The following KAZN variants were observed in gnomAD, a reference collection of about 807,000 sequenced individuals.
The protein encoded by KAZN is kazrin, periplakin interacting protein.
Under a neutral mutation model 87.4 loss-of-function variants are expected in KAZN, and 40 were observed. That is an observed-to-expected ratio of 0.46 (90% confidence interval 0.36 to 0.60). The LOEUF is 0.60. Among genes scored for constraint, KAZN ranks in the 20% least tolerant of loss-of-function variants. The pLI, the probability that KAZN is intolerant of heterozygous loss-of-function variation, is 0.00. For missense variants in KAZN, 898 were observed against 1,073.9 expected (o/e 0.84, Z 2.29); for synonymous variants, 466 against 458.3 (o/e 1.02, Z -0.22).
chr1:14,890,536 T>A (rs1415120558), intron 1 of KAZN, among the ~76,000 whole-genome samples: 1 of 152,244 alleles, frequency 6.6e-6, no homozygotes, highest in Non-Finnish European at 1.5e-5. Flanking sequence ...TGCCCGCCTT[T>A]TAAAAAGATA....
intron 1 of KAZN, among the ~76,000 whole-genome samples, chr1:14,706,588 T>G (rs1223694471): frequency 1.3e-5 from 2 of 152,200 alleles, no homozygotes; most frequent in African/African-American, 4.8e-5. Context: ...ATGTACCCCT[T>G]AAATATGCAC....
At chr1:14,808,642 T>C (rs935362920) in intron 1 of KAZN, among the ~76,000 whole-genome samples, 1 of 152,152 alleles carries the variant, frequency 6.6e-6, no homozygotes, top group Non-Finnish European at 1.5e-5. Flanking sequence ...AGAGATGACA[T>C]GTCTCAAAGT....
At chr1:14,317,637 T>G (rs910502914) in intron 2 of KAZN, among the ~76,000 whole-genome samples, 2 of 151,972 alleles carry the variant, frequency 1.3e-5, no homozygotes, top group Non-Finnish European at 2.9e-5. Context: ...ATTTGAGTAT[T>G]TCTGAGGGTT....
intron 2 of KAZN, among the ~76,000 whole-genome samples, chr1:14,219,309 T>C (rs1172700838): frequency 1.3e-5 from 2 of 152,044 alleles, no homozygotes; most frequent in Non-Finnish European, 2.9e-5. Context: ...AATGATTGTA[T>C]AGAGGGTTTA....
intron 3 of KAZN, among the ~76,000 whole-genome samples, chr1:15,043,363 T>A (rs1054740883): frequency 6.6e-6 from 1 of 152,226 alleles, no homozygotes; most frequent in Admixed American, 6.5e-5. Context: ...AGTCATTCAA[T>A]CTTTAGAATT....
chr1:13,912,695 C>T (rs893812213), intron 1 of KAZN, among the ~76,000 whole-genome samples: 1 of 152,118 alleles, frequency 6.6e-6, no homozygotes. Flanking sequence ...CCTCTGCCTC[C>T]CAGGTTCAAG....
chr1:13,973,453 C>T (rs983674708), intron 1 of KAZN, among the ~76,000 whole-genome samples: 8 of 152,180 alleles, frequency 5.3e-5, no homozygotes, highest in Non-Finnish European at 1.2e-4. Flanking sequence ...GGTCAGAACA[C>T]GTATTTACCT....
At chr1:14,234,730 G>T (rs1013616577) in intron 2 of KAZN, among the ~76,000 whole-genome samples, 3 of 152,188 alleles carry the variant, frequency 2.0e-5, no homozygotes, top group Non-Finnish European at 2.9e-5. Context: ...GACTAAATTT[G>T]TGCCAAATCT....
At chr1:14,894,590 C>A (rs574715887) in intron 1 of KAZN, among the ~76,000 whole-genome samples, 11 of 152,352 alleles carry the variant, frequency 7.2e-5, no homozygotes, top group African/African-American at 2.6e-4. Flanking sequence ...CCTCCTGGAG[C>A]CTTCCCGGCC....
chr1:14,519,489 C>A (rs1393989528), intron 2 of KAZN, among the ~76,000 whole-genome samples: 1 of 152,158 alleles, frequency 6.6e-6, no homozygotes, highest in African/African-American at 2.4e-5. Context: ...GGGTATCCTC[C>A]CTCAGTTGAG....
At chr1:14,318,108 G>A (rs1655786339) in intron 2 of KAZN, among the ~76,000 whole-genome samples, 1 of 151,734 alleles carries the variant, frequency 6.6e-6, no homozygotes, top group Admixed American at 6.6e-5. Context: ...TTTTAAACAG[G>A]TATTTATCTT....
chr1:14,754,693 T>C (rs1644508439), intron 1 of KAZN, among the ~76,000 whole-genome samples: 1 of 152,114 alleles, frequency 6.6e-6, no homozygotes, highest in African/African-American at 2.4e-5. Context: ...TGTTGGATGA[T>C]GTTTGTGGCT....
chr1:14,698,220 T>C (rs1031039040), intron 1 of KAZN, among the ~76,000 whole-genome samples: 1 of 152,214 alleles, frequency 6.6e-6, no homozygotes, highest in African/African-American at 2.4e-5. Context: ...CAGCTTTGAT[T>C]TCAGCTTCAG....
chr1:14,343,107 T>C (rs1261227653), intron 2 of KAZN, among the ~76,000 whole-genome samples: 4 of 152,128 alleles, frequency 2.6e-5, no homozygotes, highest in African/African-American at 4.8e-5. Context: ...GATTGCGCCA[T>C]TGCACTCCAG....
intron 2 of KAZN, among the ~76,000 whole-genome samples, chr1:14,453,350 A>T (rs538502487): frequency 6.6e-5 from 10 of 152,302 alleles, no homozygotes; most frequent in East Asian, 3.9e-4. Flanking sequence ...AGATTTTTTT[A>T]AAAGTGTTCC....
chr1:14,764,383 C>CG (rs1557465589), intron 1 of KAZN, among the ~76,000 whole-genome samples: 1 of 129,478 alleles, frequency 7.7e-6, no homozygotes, highest in Non-Finnish European at 1.7e-5. Flanking sequence ...CCCCCTCCCC[C>CG]ACACCCCCCC....
chr1:14,741,595 A>G (rs755420260), intron 1 of KAZN, among the ~76,000 whole-genome samples: 3 of 152,202 alleles, frequency 2.0e-5, no homozygotes, highest in East Asian at 1.9e-4. Flanking sequence ...TTGAACTAGT[A>G]TCTTTTTATT....
intron 2 of KAZN, among the ~76,000 whole-genome samples, chr1:14,382,131 G>T (rs546125263): frequency 6.6e-6 from 1 of 152,014 alleles, no homozygotes; most frequent in South Asian, 2.1e-4. Flanking sequence ...TCTCTACAAT[G>T]AAAACTATAA....
chr1:15,005,009 G>T (rs753980232), intron 2 of KAZN, among the ~76,000 whole-genome samples: 2 of 152,018 alleles, frequency 1.3e-5, no homozygotes, highest in African/African-American at 4.8e-5. Flanking sequence ...AGGTAAATAC[G>T]CCCAGGTTGC....
Sources: gnomAD v4.1 joint callset for allele counts (sites outside exome capture counted in the v4.1 genomes callset) on GRCh38, gnomAD v4.1.1 for gene constraint, MANE v1.5 for transcripts, NCBI Gene and HGNC (gene_info 2026-07-23, HGNC 2026-07-21) for gene names.